Variants in ABI1 observed in about 807,000 individuals in gnomAD.
The protein encoded by ABI1 is Abelson interactor 1.
A neutral mutation model predicts 54.6 loss-of-function variants in ABI1; 14 were observed. That is an observed-to-expected ratio of 0.26 (90% CI 0.17 to 0.40). The LOEUF is 0.40. Ranked by LOEUF, ABI1 falls within the 10% of genes least tolerant of loss-of-function variation. ABI1 has a pLI of 1.00. For synonymous variants in ABI1, 194 were observed against 209.3 expected, an observed-to-expected ratio of 0.93 and a Z score of 0.63; for missense variants, 443 against 598.3, an observed-to-expected ratio of 0.74 and a Z score of 2.71.
chr10:26,796,606 T>C (rs1190814866), intron 2 of ABI1, among the ~76,000 whole-genome samples: 1 of 152,206 alleles, frequency 6.6e-6, no homozygotes, highest in East Asian at 1.9e-4. Context: ...TTCCTTGTCA[T>C]TAAGCAAGCA....
At chr10:26,755,906 C>T (rs1313185913) in intron 8 of ABI1, among the ~76,000 whole-genome samples, 165 bp from the exon 9 acceptor site, 3 of 152,140 alleles carry the variant, frequency 2.0e-5, no homozygotes, top group African/African-American at 7.2e-5. Flanking sequence ...ACCTGCAGAA[C>T]CTTGGAGTAC....
intron 9 of ABI1, among the ~76,000 whole-genome samples, chr10:26,755,250 T>G (rs1215751731): frequency 2.0e-5 from 3 of 152,216 alleles, no homozygotes; most frequent in African/African-American, 7.2e-5. Flanking sequence ...CCCAATTTCA[T>G]ATTAAATTTA....
At chr10:26,824,932 T>TA (rs1305080803) in intron 1 of ABI1, among the ~76,000 whole-genome samples, 2 of 152,190 alleles carry the variant, frequency 1.3e-5, no homozygotes, top group Non-Finnish European at 2.9e-5. Context: ...GTACTATGTC[T>TA]AAAAAAACTA....
At chr10:26,798,909 T>C (rs2046368154) in intron 2 of ABI1, among the ~76,000 whole-genome samples, 1 of 151,576 alleles carries the variant, frequency 6.6e-6, no homozygotes, top group Non-Finnish European at 1.5e-5. Flanking sequence ...GGAAAAAAAT[T>C]CACCACAAGC....
intron 3 of ABI1, among the ~76,000 whole-genome samples, chr10:26,775,456 A>G: frequency 6.6e-6 from 1 of 152,104 alleles, no homozygotes; most frequent in South Asian, 2.1e-4. Context: ...ATTTTATGTT[A>G]TGTGTATCTC....
intron 7 of ABI1, among the ~76,000 whole-genome samples, chr10:26,761,966 A>G (rs946765993): frequency 1.3e-5 from 2 of 152,066 alleles, no homozygotes; most frequent in Non-Finnish European, 2.9e-5. Flanking sequence ...TCTCTAGGAC[A>G]GTGGTTCTCA....
At chr10:26,776,896 GAT>G in intron 3 of ABI1, 167 bp downstream of exon 3, 1 of 570,710 alleles carries the variant, frequency 1.8e-6, no homozygotes, top group Non-Finnish European at 2.9e-6. Context: ...CTATTCAACT[GAT>G]AAAATTGCAC....
At chr10:26,751,518 T>C in intron 10 of ABI1, 80 bp downstream of exon 10, 3 of 1,386,940 alleles carry the variant, frequency 2.2e-6, no homozygotes, top group Non-Finnish European at 2.9e-6. Flanking sequence ...TGAGAAACAT[T>C]GGATTAGATG....
At chr10:26,816,033 AC>A (rs1285624681) in intron 2 of ABI1, among the ~76,000 whole-genome samples, 2 of 152,238 alleles carry the variant, frequency 1.3e-5, no homozygotes, top group African/African-American at 4.8e-5. Context: ...ATTACTGGTT[AC>A]CAATCGTGTC....
chr10:26,791,676 C>T (rs1039004283), intron 2 of ABI1, among the ~76,000 whole-genome samples: 1 of 151,924 alleles, frequency 6.6e-6, no homozygotes. Flanking sequence ...TGGACCAATA[C>T]AACAGAAGAG....
At chr10:26,752,555 A>G (rs1837771749) in intron 9 of ABI1, among the ~76,000 whole-genome samples, 1 of 152,198 alleles carries the variant, frequency 6.6e-6, no homozygotes, top group Non-Finnish European at 1.5e-5. Context: ...TCGATTTTCT[A>G]AGAATACATC....
chr10:26,769,643 T>G (rs1389943709), intron 5 of ABI1, among the ~76,000 whole-genome samples: 6 of 152,212 alleles, frequency 3.9e-5, no homozygotes, highest in Admixed American at 6.5e-5. Context: ...TGACAAGTAT[T>G]CGCTATATTT....
chr10:26,755,532 T>C lies in ABI1; in HGVS notation c.1084+123A>G. ...CGTGCTCTTCAGTTTCAGTAACATG[T>C]CTGCACCTATTTTCAAGATTAGCTT... On this transcript the variant is annotated intron_variant, in intron 9 of 10. Transcript: ENST00000376140. The C allele has an allele frequency of 4.1e-6, 3 of 727,618 alleles. No homozygotes were observed. The South Asian group carries it at 5.6e-5, about 13-fold the overall frequency. The allele number at this position is 727,618 out of a possible 1,614,324, so 45.1% of individuals were successfully genotyped here. A position where few individuals can be genotyped will look rare whatever the true frequency, so the allele number is the denominator to read the frequency against.
At chr10:26,859,673 G>C (rs1443826528) in intron 1 of ABI1, among the ~76,000 whole-genome samples, 1 of 152,210 alleles carries the variant, frequency 6.6e-6, no homozygotes, top group South Asian at 2.1e-4. Flanking sequence ...AAAGTCCCAA[G>C]AGTTTTCTAA....
Position 26,860,910 on chromosome 10 carries a change from C to A in ABI1, c.-47G>T. ...TCCTCTCGCGTTAAAGAGACAGAGG[C>A]AGCAAGGTCCGCCGAGGCTCCGAGC... is the stretch of plus-strand genomic sequence containing the variant. On this transcript the variant is annotated 5_prime_UTR_variant, in exon 1 of 11. Transcript: ENST00000376140. This position sits in a 1 kb window ranked among gnomAD's most constrained non-coding sequence, Gnocchi z 4.1. The A allele has an allele frequency of 3.2e-6, 5 of 1,562,806 alleles. No individual in the cohort carries two copies. The South Asian group carries it at 5.6e-5, about 17-fold the overall frequency.
At chr10:26,826,898 G>A (rs1263147608) in intron 1 of ABI1, among the ~76,000 whole-genome samples, 3 of 150,376 alleles carry the variant, frequency 2.0e-5, no homozygotes, top group African/African-American at 7.4e-5. Flanking sequence ...AGGGAATATT[G>A]TGGCTAGTTT....
chr10:26,774,868 A>C (rs1841186484), intron 3 of ABI1, among the ~76,000 whole-genome samples: 2 of 151,910 alleles, frequency 1.3e-5, no homozygotes, highest in African/African-American at 4.8e-5. Context: ...TAAATACCAG[A>C]AAACATCAAA....
chr10:26,793,138 A>C (rs919854241), intron 2 of ABI1, among the ~76,000 whole-genome samples: 1 of 152,264 alleles, frequency 6.6e-6, no homozygotes, highest in Non-Finnish European at 1.5e-5. Context: ...TTTGCTAAAA[A>C]ATAACTACAG....
intron 2 of ABI1, among the ~76,000 whole-genome samples, chr10:26,820,449 A>G (rs184718885): frequency 8.0e-4 from 122 of 152,290 alleles, no homozygotes; most frequent in Middle Eastern, 6.8e-3. Flanking sequence ...GCAAAACCTG[A>G]AAATACTTGC....
Sources: gnomAD v4.1 joint callset for allele counts (sites outside exome capture counted in the v4.1 genomes callset) on GRCh38, gnomAD v4.1.1 for gene constraint, Gnocchi (gnomAD v3.1) non-coding constraint, MANE v1.5 for transcripts, NCBI Gene and HGNC (gene_info 2026-07-23, HGNC 2026-07-21) for gene names.